Variants in KLF15 observed in about 807,000 individuals in gnomAD.
KLF15 encodes Krueppel-like factor 15.
In KLF15, 4 loss-of-function variants were observed where a neutral mutation model predicts 24.6. The ratio of observed to expected loss-of-function variants is 0.16; its 90% CI spans 0.08 to 0.37. The LOEUF is 0.37. Ranked by LOEUF, KLF15 falls within the 10% of genes least tolerant of loss-of-function variation. KLF15 has a pLI of 1.00. For missense variants in KLF15, 496 were observed against 560.6 expected, an observed-to-expected ratio of 0.88 and a Z score of 1.16; for synonymous variants, 246 against 236.3, an observed-to-expected ratio of 1.04 and a Z score of -0.37.
At chr3:126,313,581 A>T in the KLF15 span, among the ~76,000 whole-genome samples, 1 of 152,118 alleles carries the variant, frequency 6.6e-6, no homozygotes, top group South Asian at 2.1e-4. Flanking sequence ...CATCCCAAGC[A>T]ATGTCTGGGA....
chr3:126,343,421 G>T lies in KLF15; in HGVS notation c.*306C>A, dbSNP rs1417020021. 4 of 347,056 alleles carry T rather than the reference G, an allele frequency of 1.2e-5. No individual in the cohort carries two copies. The highest frequency in any genetic ancestry group is 6.5e-5 in the African/African-American group (3 of 45,864). The allele number at this position is 347,056 out of a possible 1,614,324, so 21.5% of individuals were successfully genotyped here. ...AGAAGGGCCAGGTCCCCAAAACTCTGCCTGCAACCAGCGGCTGCAGCAGAG... is the reference window on the plus strand; with the variant it reads ...AGAAGGGCCAGGTCCCCAAAACTCTTCCTGCAACCAGCGGCTGCAGCAGAG... On this transcript the variant is annotated 3_prime_UTR_variant, in exon 3 of 3. Transcript: ENST00000296233.
chr3:126,337,282 T>C, the KLF15 span, among the ~76,000 whole-genome samples: 2 of 138,610 alleles, frequency 1.4e-5, no homozygotes, highest in Non-Finnish European at 3.1e-5. Context: ...TGCAGGGACA[T>C]GGATGAAATT....
chr3:126,306,516 C>T, the KLF15 span, among the ~76,000 whole-genome samples: 1 of 152,246 alleles, frequency 6.6e-6, no homozygotes, highest in Admixed American at 6.5e-5. Context: ...GGTCTGTGGT[C>T]TCAGGGCAAC....
chr3:126,296,456 C>T, the KLF15 span, among the ~76,000 whole-genome samples: 1 of 152,244 alleles, frequency 6.6e-6, no homozygotes, highest in African/African-American at 2.4e-5. Context: ...ATCCACCCGC[C>T]TTGGCCTCCC....
chr3:126,343,537 G>T lies in KLF15; in HGVS notation c.*190C>A. On this transcript the variant is annotated 3_prime_UTR_variant, in exon 3 of 3. Transcript: ENST00000296233. ...CTGGGGCCCAGCCCCCAGGGACGCG[G>T]GTTCGAGGCTCTAAGTACTCCCGAG... 1.7e-6 allele frequency: 1 copy of T among 573,876 alleles called. No individual in the cohort carries two copies. The highest frequency in any genetic ancestry group is 3.0e-6 in the Non-Finnish European group (1 of 337,040). The allele number at this position is 573,876 out of a possible 1,614,324, so 35.5% of individuals were successfully genotyped here. A position where few individuals can be genotyped will look rare whatever the true frequency, so the allele number is the denominator to read the frequency against.
chr3:126,310,781 C>G, the KLF15 span, among the ~76,000 whole-genome samples: 1 of 152,184 alleles, frequency 6.6e-6, no homozygotes, highest in Non-Finnish European at 1.5e-5. Context: ...ATCACCTCTG[C>G]AAGACCCTGT....
At chr3:126,348,287 A>G (rs1480415052) in intron 2 of KLF15, among the ~76,000 whole-genome samples, 2 of 152,212 alleles carry the variant, frequency 1.3e-5, no homozygotes, top group East Asian at 1.9e-4. Context: ...ACGTAAATTA[A>G]TATGTGTGAA....
At chr3:126,314,741 C>A in the KLF15 span, among the ~76,000 whole-genome samples, 2 of 152,224 alleles carry the variant, frequency 1.3e-5, no homozygotes, top group African/African-American at 2.4e-5. Context: ...GACATGAGGG[C>A]CCTCTATGCC....
the KLF15 span, among the ~76,000 whole-genome samples, chr3:126,307,859 T>C: frequency 6.6e-6 from 1 of 152,076 alleles, no homozygotes; most frequent in Non-Finnish European, 1.5e-5. Flanking sequence ...CCTCACTTAG[T>C]TCCCCCCAGG....
At chr3:126,326,665 G>C in the KLF15 span, among the ~76,000 whole-genome samples, 1 of 152,170 alleles carries the variant, frequency 6.6e-6, no homozygotes, top group Non-Finnish European at 1.5e-5. Flanking sequence ...CTAGGAGGCA[G>C]GAAGGGCTAG....
chr3:126,343,578 C>G lies in KLF15; in HGVS notation c.*149G>C. The G allele has an allele frequency of 4.0e-6, 3 of 753,354 alleles. No homozygotes were observed. Among genetic ancestry groups the G allele is most frequent in the South Asian group, 3.9e-5 (2 of 51,758 alleles). The allele number at this position is 753,354 out of a possible 1,614,324, so 46.7% of individuals were successfully genotyped here. On this transcript the variant is annotated 3_prime_UTR_variant, in exon 3 of 3. Transcript: ENST00000296233. ...TACTCCCGAGAAAGGCAGCGGTTGG[C>G]GGGCCCTGGGTTCACACCTCCCAGG...
the KLF15 span, among the ~76,000 whole-genome samples, chr3:126,336,839 T>C: frequency 8.0e-3 from 286 of 35,878 alleles, no homozygotes; most frequent in Middle Eastern, 0.027. Context: ...TCATCATCAC[T>C]GGCCATCAGA....
the KLF15 span, among the ~76,000 whole-genome samples, chr3:126,314,786 G>T: frequency 1.3e-5 from 2 of 152,226 alleles, no homozygotes; most frequent in Non-Finnish European, 2.9e-5. Context: ...TCTGTCTATT[G>T]CATCAGCATC....
chr3:126,328,573 C>A, the KLF15 span, among the ~76,000 whole-genome samples: 1 of 152,160 alleles, frequency 6.6e-6, no homozygotes, highest in Non-Finnish European at 1.5e-5. Flanking sequence ...TCCCTGTTCA[C>A]CACATCCAAG....
At chr3:126,303,653 C>T in the KLF15 span, among the ~76,000 whole-genome samples, 2 of 151,068 alleles carry the variant, frequency 1.3e-5, no homozygotes, top group African/African-American at 4.9e-5. Flanking sequence ...TGTTGATATT[C>T]TTGCATCTGT....
In KLF15 at chr3:126,356,518, C is replaced by T. The variant is rs1255515315; in HGVS notation, c.-26+719G>A. Among the ~76,000 whole-genome samples the T allele has an allele frequency of 6.6e-5, 10 of 152,112 alleles. No homozygotes were observed. Reference sequence around the variant, plus strand: ...GTCAGGCCATGGCTTTGGTAATGTTCGGTCTGAGCGGACGGGGACTCAGCG... The same window carrying T: ...GTCAGGCCATGGCTTTGGTAATGTTTGGTCTGAGCGGACGGGGACTCAGCG... On this transcript the variant is annotated intron_variant, in intron 1 of 2. Transcript: ENST00000296233. This position sits in a 1 kb window ranked among gnomAD's most constrained non-coding sequence, Gnocchi z 4.4.
chr3:126,351,724 C>A (rs921504392), intron 2 of KLF15, 117 bp downstream of exon 2: 6 of 717,380 alleles, frequency 8.4e-6, no homozygotes, highest in Non-Finnish European at 8.5e-6. Flanking sequence ...GCCTGCCCCT[C>A]CCTCCCCTCC....
In KLF15 at chr3:126,357,392, C is replaced by G. The variant is rs1489254007; in HGVS notation, c.-181G>C. On this transcript the variant is annotated 5_prime_UTR_variant, in exon 1 of 3. Transcript: ENST00000296233. Reference sequence around the variant, plus strand: ...CTCGATCGCCCGCCGGCCCGCGGGTCGCTGCGGCGGAGCACTAGCCCGCCC... The same window carrying G: ...CTCGATCGCCCGCCGGCCCGCGGGTGGCTGCGGCGGAGCACTAGCCCGCCC... 6.8e-6 allele frequency: 1 copy of G among 147,280 alleles called. No homozygotes were observed. Among genetic ancestry groups the G allele is most frequent in the South Asian group, 2.1e-4 (1 of 4,808 alleles). The allele number at this position is 147,280 out of a possible 1,614,324, so 9.1% of individuals were successfully genotyped here.
the KLF15 span, among the ~76,000 whole-genome samples, chr3:126,313,094 G>A: frequency 5.3e-5 from 8 of 152,182 alleles, no homozygotes; most frequent in African/African-American, 1.9e-4. Context: ...AAGTGAAAAT[G>A]AGGCCTTTAA....
Sources: allele counts gnomAD v4.1 joint callset (sites outside exome capture counted in the v4.1 genomes callset), GRCh38; gene constraint gnomAD v4.1.1; non-coding constraint Gnocchi (gnomAD v3.1); transcripts MANE v1.5; gene names NCBI Gene and HGNC (gene_info 2026-07-23, HGNC 2026-07-21).